The following HS3ST4 variants were observed in gnomAD, a reference collection of about 807,000 sequenced individuals.
HS3ST4 encodes the protein heparan sulfate glucosamine 3-O-sulfotransferase 4.
In HS3ST4, 17 loss-of-function variants were observed where a neutral mutation model predicts 29.2. The ratio of observed to expected loss-of-function variants is 0.58; its 90% CI spans 0.40 to 0.87. The LOEUF (loss-of-function observed/expected upper bound fraction) is 0.87. HS3ST4 is among the 40% of genes least tolerant of loss of function. The pLI is 0.00. For synonymous variants in HS3ST4, 314 were observed against 285.7 expected (o/e 1.10, Z -1.00); for missense variants, 627 against 634.5 (o/e 0.99, Z 0.13).
intron 1 of HS3ST4, among the ~76,000 whole-genome samples, chr16:26,058,060 G>A (rs1426198018): frequency 6.6e-6 from 1 of 152,220 alleles, no homozygotes; most frequent in African/African-American, 2.4e-5. Flanking sequence ...GAGTCAGATT[G>A]AATGGTGCCA....
At chr16:26,039,826 A>G (rs1596659583) in intron 1 of HS3ST4, among the ~76,000 whole-genome samples, 1 of 152,180 alleles carries the variant, frequency 6.6e-6, no homozygotes. Context: ...ACCTGTATAT[A>G]TTCTCCATTT....
In HS3ST4 at chr16:25,778,717, CAGGAGAAGGAGGAGA is replaced by C. The variant is rs1019600906; in HGVS notation, c.734+85584_734+85598del. On this transcript the variant is annotated intron_variant, in intron 1 of 1. Coordinates refer to ENST00000331351, the MANE Select transcript of HS3ST4 (RefSeq NM_006040.3). ...GAAGAAGAAAGAGGAGGAGGAGAAG[CAGGAGAAGGAGGAGA>C]AGGAGAAGGAGGAGAAGAAGGAGGA... Among the ~76,000 whole-genome samples the C allele has an allele frequency of 6.5e-4, 97 of 148,862 alleles. 3 individuals are homozygous for C. In the South Asian group the frequency reaches 0.019, roughly 29 times the overall value.
intron 1 of HS3ST4, among the ~76,000 whole-genome samples, chr16:25,828,765 G>T (rs546409597): frequency 6.6e-6 from 1 of 152,286 alleles, no homozygotes; most frequent in African/African-American, 2.4e-5. Flanking sequence ...TGTGCTATTT[G>T]CATTTCTGTT....
At chr16:25,810,069 T>A (rs1967027399) in intron 1 of HS3ST4, among the ~76,000 whole-genome samples, 1 of 152,116 alleles carries the variant, frequency 6.6e-6, no homozygotes, top group Non-Finnish European at 1.5e-5. Context: ...ATTATTGATT[T>A]GAGATCTTTC....
At chr16:25,919,357 T>C (rs1041457891) in intron 1 of HS3ST4, among the ~76,000 whole-genome samples, 1 of 152,112 alleles carries the variant, frequency 6.6e-6, no homozygotes, top group Non-Finnish European at 1.5e-5. Flanking sequence ...GTTACCGTTA[T>C]AGGAACAAAG....
At chr16:26,005,984 G>C (rs781758817) in intron 1 of HS3ST4, among the ~76,000 whole-genome samples, 2 of 152,090 alleles carry the variant, frequency 1.3e-5, no homozygotes, top group African/African-American at 4.8e-5. Context: ...ATCACAACTG[G>C]TTGAGAATCA....
At chr16:25,834,907 A>G (rs1353703695) in intron 1 of HS3ST4, among the ~76,000 whole-genome samples, 1 of 152,186 alleles carries the variant, frequency 6.6e-6, no homozygotes, top group Non-Finnish European at 1.5e-5. Context: ...AGATCGCACC[A>G]CTGCACTCCA....
At chr16:26,092,654 C>T (rs1338345819) in intron 1 of HS3ST4, among the ~76,000 whole-genome samples, 1 of 152,158 alleles carries the variant, frequency 6.6e-6, no homozygotes. Context: ...CAGCTCCGGT[C>T]TGCAGCTCCC....
chr16:25,741,628 G>T (rs1208286557), intron 1 of HS3ST4, among the ~76,000 whole-genome samples: 2 of 152,060 alleles, frequency 1.3e-5, no homozygotes, highest in East Asian at 3.9e-4. Context: ...TTTCAATGAG[G>T]TTTGTTTCTG....
At chr16:26,034,668 CG>C (rs143831757) in intron 1 of HS3ST4, among the ~76,000 whole-genome samples, 23,131 of 94,432 alleles carry the variant, frequency 0.24, 3,446 homozygotes, top group African/African-American at 0.48. Context: ...ATAGCAGGGG[CG>C]GGGGGGGGTC....
rs184224673 is a variant in HS3ST4 at position 25,712,571 on chromosome 16, G to A, written c.734+19420G>A. Among the ~76,000 whole-genome samples, 187 of 151,940 alleles carry A rather than the reference G, an allele frequency of 1.2e-3. 2 individuals are homozygous for A. Among genetic ancestry groups the A allele is most frequent in the Non-Finnish European group, 2.0e-3 (139 of 67,972 alleles). ...AAAAGAAGCACCATAAGACAAGAAC[G>A]TCAACAATGACAACAACAAAAATTG... On this transcript the variant is annotated intron_variant, in intron 1 of 1. Coordinates refer to ENST00000331351, the MANE Select transcript of HS3ST4 (RefSeq NM_006040.3).
At chr16:25,736,888 G>A (rs112354880) in intron 1 of HS3ST4, among the ~76,000 whole-genome samples, 13,373 of 151,744 alleles carry the variant, frequency 0.088, 668 homozygotes, top group Middle Eastern at 0.12. Context: ...TCACACTGTC[G>A]CCCAGGCTGG....
intron 1 of HS3ST4, among the ~76,000 whole-genome samples, chr16:25,800,487 A>G (rs565830315): frequency 6.8e-4 from 101 of 147,754 alleles, no homozygotes; most frequent in African/African-American, 2.4e-3. Flanking sequence ...TTTCTTTGTT[A>G]TTAACTTCAA....
chr16:25,983,546 A>G (rs1266212414), intron 1 of HS3ST4, among the ~76,000 whole-genome samples: 1 of 152,070 alleles, frequency 6.6e-6, no homozygotes. Flanking sequence ...TGAAGCTTCT[A>G]AGCATCCTTT....
At chr16:25,711,351 GTGTA>G (rs1378116929) in intron 1 of HS3ST4, among the ~76,000 whole-genome samples, 6 of 151,788 alleles carry the variant, frequency 4.0e-5, no homozygotes, top group Non-Finnish European at 1.5e-5. Flanking sequence ...GCCCTGGGCT[GTGTA>G]TTCTTTAAAA....
chr16:25,788,351 G>T (rs1235760126), intron 1 of HS3ST4, among the ~76,000 whole-genome samples: 1 of 150,840 alleles, frequency 6.6e-6, no homozygotes, highest in Non-Finnish European at 1.5e-5. Flanking sequence ...GGAGGCGGAG[G>T]TTGCAGTGAG....
chr16:25,714,318 C>G (rs7199877), intron 1 of HS3ST4, among the ~76,000 whole-genome samples: 1 of 152,196 alleles, frequency 6.6e-6, no homozygotes, highest in Non-Finnish European at 1.5e-5. Flanking sequence ...GGCTGTGTCT[C>G]CTCCCCTTTG....
chr16:26,136,314 C>A lies in HS3ST4; in HGVS notation c.*66C>A. The A allele has an allele frequency of 1.4e-6, 2 of 1,419,742 alleles. No homozygotes were observed. Among genetic ancestry groups the A allele is most frequent in the Non-Finnish European group, 1.9e-6 (2 of 1,059,446 alleles). The allele number at this position is 1,419,742 out of a possible 1,614,324, so 87.9% of individuals were successfully genotyped here. A position where few individuals can be genotyped will look rare whatever the true frequency, so the allele number is the denominator to read the frequency against. On this transcript the variant is annotated 3_prime_UTR_variant, in exon 2 of 2. Coordinates refer to ENST00000331351, the MANE Select transcript of HS3ST4 (RefSeq NM_006040.3). ...GGCTCCTTGCCTGAGTCCTTGAATA[C>A]CCCAGCTTCTGCAGCTTCACTTGCT...
intron 1 of HS3ST4, among the ~76,000 whole-genome samples, chr16:25,826,998 AAAAAAT>A (rs1967224018): frequency 6.6e-6 from 1 of 152,172 alleles, no homozygotes; most frequent in Non-Finnish European, 1.5e-5. Context: ...AGGCTACAGA[AAAAAAT>A]AAAAAAGAAA....
Sources: gnomAD v4.1 joint callset for allele counts (sites outside exome capture counted in the v4.1 genomes callset) on GRCh38, gnomAD v4.1.1 for gene constraint, MANE v1.5 for transcripts, NCBI Gene and HGNC (gene_info 2026-07-23, HGNC 2026-07-21) for gene names.